The following MGAT5 variants were observed in gnomAD, a reference collection of about 807,000 sequenced individuals.
MGAT5 encodes alpha-1,6-mannosylglycoprotein 6-beta-N-acetylglucosaminyltransferase A.
A neutral mutation model predicts 94.3 loss-of-function variants in MGAT5; 30 were observed. That is an observed-to-expected ratio of 0.32 (90% CI 0.24 to 0.43). MGAT5 has a LOEUF of 0.43. MGAT5 is among the 20% of genes least tolerant of loss of function. MGAT5 has a pLI of 1.00. For synonymous variants in MGAT5, 310 were observed against 322.9 expected (o/e 0.96, Z 0.43); for missense variants, 691 against 905.5 (o/e 0.76, Z 3.04).
intron 2 of MGAT5, among the ~76,000 whole-genome samples, chr2:134,287,258 AG>A (rs1685067422): frequency 6.6e-6 from 1 of 152,088 alleles, no homozygotes; most frequent in Non-Finnish European, 1.5e-5. Flanking sequence ...CTTCTTTCCA[AG>A]AGTTGTTGTT....
chr2:134,423,585 A>G (rs1029941901), intron 13 of MGAT5, among the ~76,000 whole-genome samples: 1 of 151,960 alleles, frequency 6.6e-6, no homozygotes, highest in Admixed American at 6.6e-5. Context: ...TCACAGCTGC[A>G]CTCTGCTGCT....
intron 1 of MGAT5, among the ~76,000 whole-genome samples, chr2:134,219,570 C>T (rs1380041467): frequency 1.3e-5 from 2 of 152,066 alleles, no homozygotes; most frequent in Non-Finnish European, 2.9e-5. Context: ...TGAGGTGCCC[C>T]GGAGTGCCAC....
At chr2:134,144,751 C>G (rs1686832224) in intron 1 of MGAT5, among the ~76,000 whole-genome samples, 2 of 152,120 alleles carry the variant, frequency 1.3e-5, no homozygotes, top group African/African-American at 4.8e-5. Flanking sequence ...GGGATGCATG[C>G]TCATTTTTGA....
At chr2:134,244,416 A>G (rs1682128054) in intron 1 of MGAT5, among the ~76,000 whole-genome samples, 2 of 152,070 alleles carry the variant, frequency 1.3e-5, no homozygotes, top group African/African-American at 4.8e-5. Flanking sequence ...GCAGAGGCCC[A>G]GTGCCTTAAT....
At chr2:134,253,505 A>AT (rs1197422142), upstream of MGAT5, among the ~76,000 whole-genome samples, 1 of 152,084 alleles carries the variant, frequency 6.6e-6, no homozygotes, top group Non-Finnish European at 1.5e-5. Context: ...TTAATGTCTC[A>AT]TTTTGCCTCA....
intron 12 of MGAT5, among the ~76,000 whole-genome samples, chr2:134,419,558 A>G (rs1163908601): frequency 6.6e-6 from 1 of 151,410 alleles, no homozygotes; most frequent in Non-Finnish European, 1.5e-5. Flanking sequence ...CTCATATTTA[A>G]TAAGATTTTC....
intron 1 of MGAT5, among the ~76,000 whole-genome samples, chr2:134,172,176 G>T (rs1185351486): frequency 6.6e-6 from 1 of 152,150 alleles, no homozygotes; most frequent in African/African-American, 2.4e-5. Context: ...TGGCCCTTTA[G>T]AGCAGCCCAA....
intron 14 of MGAT5, among the ~76,000 whole-genome samples, chr2:134,440,388 C>T (rs1685417395): frequency 1.3e-5 from 2 of 152,326 alleles, no homozygotes; most frequent in South Asian, 2.1e-4. Flanking sequence ...CTCCCTGTGT[C>T]TTCATGGGTT....
chr2:134,253,462 C>G (rs553413950), upstream of MGAT5, among the ~76,000 whole-genome samples: 3 of 152,344 alleles, frequency 2.0e-5, no homozygotes, highest in African/African-American at 4.8e-5. Flanking sequence ...TAGATAGGAT[C>G]TGGCTGCATT....
chr2:134,428,513 T>C (rs943002440), intron 14 of MGAT5, 74 bp downstream of exon 14: 15 of 1,322,098 alleles, frequency 1.1e-5, no homozygotes, highest in Non-Finnish European at 1.4e-5. Flanking sequence ...CTCAAGAACA[T>C]TTAAGAGCTC....
At position 134,314,627 on chromosome 2, in the gene MGAT5, A is replaced by G. The variant is rs572219564; in HGVS notation, c.407-2902A>G. Reference sequence around the variant, plus strand: ...AGGCCAGGGAAGCCCAGAGGAGGACAGGATTCCTAACAAAATCCTGACTAG... The same window carrying G: ...AGGCCAGGGAAGCCCAGAGGAGGACGGGATTCCTAACAAAATCCTGACTAG... On this transcript the variant is annotated intron_variant, in intron 2 of 15. Coordinates refer to ENST00000281923, the MANE Select transcript of MGAT5 (RefSeq NM_002410.5). 2.6e-5 allele frequency among the ~76,000 whole-genome samples: 4 copies of G among 152,336 alleles called. No homozygotes were observed. In the East Asian group the frequency reaches 7.7e-4, roughly 29 times the overall value.
rs543950644 is a variant in MGAT5, at chr2:134,189,901, C to T, written c.-142-64361C>T. ...AAGCATGAGACACTGTGCCTGGCCTCTTTTCCTTTTCTTTAGAATAACTTT... is the reference window on the plus strand; with the variant it reads ...AAGCATGAGACACTGTGCCTGGCCTTTTTTCCTTTTCTTTAGAATAACTTT... On this transcript the variant is annotated intron_variant, in intron 1 of 16. Coordinates refer to the MGAT5 transcript ENST00000409645. Among the ~76,000 whole-genome samples the T allele has an allele frequency of 1.9e-4, 29 of 152,126 alleles. No individual in the cohort carries two copies. In the South Asian group the frequency reaches 5.2e-3, roughly 27 times the overall value.
At chr2:134,266,242 T>G (rs1034223522) in intron 1 of MGAT5, among the ~76,000 whole-genome samples, 5 of 151,780 alleles carry the variant, frequency 3.3e-5, no homozygotes, top group African/African-American at 1.2e-4. Context: ...TGAGATGGAG[T>G]ATTGCTCTGG....
intron 1 of MGAT5, among the ~76,000 whole-genome samples, chr2:134,175,988 C>A (rs948151094): frequency 6.6e-6 from 1 of 152,202 alleles, no homozygotes; most frequent in Non-Finnish European, 1.5e-5. Flanking sequence ...AGCTTACAAT[C>A]ATGTTGTTTT....
intron 10 of MGAT5, among the ~76,000 whole-genome samples, chr2:134,384,131 T>A (rs1168899518): frequency 2.0e-5 from 3 of 151,954 alleles, no homozygotes; most frequent in African/African-American, 4.8e-5. Flanking sequence ...TGTCTGTGGC[T>A]GCTTTTGAGC....
chr2:134,410,245 ACT>A (rs1683567669), intron 11 of MGAT5, among the ~76,000 whole-genome samples: 1 of 152,018 alleles, frequency 6.6e-6, no homozygotes, highest in South Asian at 2.1e-4. Context: ...GTGGTGATGA[ACT>A]CTCTCCGCCT....
At chr2:134,147,199 G>C (rs1022450822) in intron 1 of MGAT5, among the ~76,000 whole-genome samples, 1 of 152,152 alleles carries the variant, frequency 6.6e-6, no homozygotes. Flanking sequence ...GGTACAGCAT[G>C]GATGTGAGCA....
At chr2:134,318,897 G>GT (rs2105904251) in intron 4 of MGAT5, among the ~76,000 whole-genome samples, 158 bp downstream of exon 4, 1 of 152,238 alleles carries the variant, frequency 6.6e-6, no homozygotes, top group South Asian at 2.1e-4. Flanking sequence ...CAGGAATGAT[G>GT]TTTTTCTTTT....
At chr2:134,286,192 C>T (rs1450159328) in intron 2 of MGAT5, among the ~76,000 whole-genome samples, 1 of 152,146 alleles carries the variant, frequency 6.6e-6, no homozygotes, top group Non-Finnish European at 1.5e-5. Flanking sequence ...AATAGTTTAC[C>T]ATGCTTTTAT....
Sources: gnomAD v4.1 joint callset for allele counts (sites outside exome capture counted in the v4.1 genomes callset) on GRCh38, gnomAD v4.1.1 for gene constraint, MANE v1.5 for transcripts, NCBI Gene and HGNC (gene_info 2026-07-23, HGNC 2026-07-21) for gene names.